The following CSMD1 variants were observed in gnomAD, a reference collection of about 807,000 sequenced individuals.
CSMD1 encodes the protein CUB and Sushi multiple domains 1, also known as CUB and sushi domain-containing protein 1.
Under a neutral mutation model 417.5 loss-of-function variants are expected in CSMD1, and 213 were observed. The observed-to-expected ratio is 0.51, with a 90% CI of 0.46 to 0.57. The LOEUF (loss-of-function observed/expected upper bound fraction) is 0.57, where lower values mean the gene tolerates loss of function less well. Ranked by LOEUF, CSMD1 falls within the 20% of genes least tolerant of loss-of-function variation. The probability of loss-of-function intolerance (pLI) is 0.00; values close to 1 mark genes in which losing one functional copy is unlikely to be tolerated. For synonymous variants in CSMD1, 2,862 were observed against 1,736.8 expected (o/e 1.65, Z -16.11); for missense variants, 6,923 against 4,529.7 (o/e 1.53, Z -15.17).
rs1801618618 is a variant in CSMD1 at position 2,938,108 on chromosome 8, A to G, written c.*477T>C. 6.5e-6 allele frequency: 1 copy of G among 152,862 alleles called. No homozygotes were observed. Among genetic ancestry groups the G allele is most frequent in the Admixed American group, 6.5e-5 (1 of 15,294 alleles). The allele number at this position is 152,862 out of a possible 1,614,324, so 9.5% of individuals were successfully genotyped here. A position where few individuals can be genotyped will look rare whatever the true frequency, so the allele number is the denominator to read the frequency against. On this transcript the variant is annotated 3_prime_UTR_variant, in exon 70 of 70. Transcript: ENST00000635120. ...TATCAGAAAGGTGTCTTCTTCCAGA[A>G]AGCTTTTTATTTTTTTCAGAGTATT...
chr8:4,142,086 A>T lies in CSMD1; in HGVS notation c.416-109987T>A, dbSNP rs966770840. 1.1e-4 allele frequency among the ~76,000 whole-genome samples: 17 copies of T among 150,204 alleles called. 3 individuals carry two copies. The highest frequency in any genetic ancestry group is 4.2e-4 in the African/African-American group (17 of 40,398). ...TGAAAAAAAAATAACTCCATACTGG[A>T]ACATTCCCTAATGTTTGAAGCAACA... On this transcript the variant is annotated intron_variant, in intron 3 of 69. Coordinates refer to ENST00000635120, the MANE Select transcript of CSMD1 (RefSeq NM_033225.6).
intron 1 of CSMD1, among the ~76,000 whole-genome samples, chr8:4,824,878 C>T (rs1186926510): frequency 6.6e-6 from 1 of 152,026 alleles, no homozygotes; most frequent in African/African-American, 2.4e-5. Flanking sequence ...TGTAATAGAA[C>T]GTGGCCACAG....
At chr8:3,419,061 C>G (rs868695513) in intron 12 of CSMD1, among the ~76,000 whole-genome samples, 84 of 152,330 alleles carry the variant, frequency 5.5e-4, no homozygotes, top group African/African-American at 2.0e-3. Context: ...TCTGCTGTGT[C>G]TGTTGCCATT....
chr8:3,914,660 T>A (rs556157348), intron 5 of CSMD1, among the ~76,000 whole-genome samples: 1 of 152,176 alleles, frequency 6.6e-6, no homozygotes, highest in African/African-American at 2.4e-5. Flanking sequence ...TAGTCCACGT[T>A]AGTATGCATT....
intron 2 of CSMD1, among the ~76,000 whole-genome samples, chr8:4,538,030 G>C (rs570851093): frequency 6.6e-6 from 1 of 152,202 alleles, no homozygotes; most frequent in East Asian, 1.9e-4. Flanking sequence ...ACATAACTGA[G>C]TATAAATATA....
intron 2 of CSMD1, among the ~76,000 whole-genome samples, chr8:4,597,833 C>T (rs745883921): frequency 2.6e-5 from 4 of 152,216 alleles, no homozygotes; most frequent in Non-Finnish European, 5.9e-5. Context: ...GCCTGCTTGT[C>T]CCCCAAACTC....
rs147901503 is a variant in CSMD1 at position 3,068,567 on chromosome 8, T to C, written c.7475-15920A>G. On this transcript the variant is annotated intron_variant, in intron 49 of 69. Transcript: ENST00000635120. ...TTTATAAAGACATTTAGTTGGCTCA[T>C]GTTTCTGCAGGCTGTACGGGAAACA... Among the ~76,000 whole-genome samples, 221 of 152,356 alleles carry C rather than the reference T, an allele frequency of 1.5e-3. 1 individual carries two copies. Among genetic ancestry groups the C allele is most frequent in the African/African-American group, 5.1e-3 (213 of 41,588 alleles).
intron 3 of CSMD1, among the ~76,000 whole-genome samples, chr8:4,154,469 A>C (rs1035764681): frequency 2.6e-5 from 4 of 152,082 alleles, no homozygotes; most frequent in African/African-American, 9.7e-5. Context: ...GTATCTGTGG[A>C]AGGAGAATGG....
chr8:4,764,543 T>C (rs907982350), intron 1 of CSMD1, among the ~76,000 whole-genome samples: 5 of 152,126 alleles, frequency 3.3e-5, no homozygotes. Context: ...TCTGCCCAAA[T>C]TGGAAACCAG....
At chr8:4,147,023 A>G (rs1804178650) in intron 3 of CSMD1, among the ~76,000 whole-genome samples, 1 of 152,108 alleles carries the variant, frequency 6.6e-6, no homozygotes, top group South Asian at 2.1e-4. Context: ...CAGGAGAGTC[A>G]GAGATCGGGG....
At position 4,711,155 on chromosome 8, in the gene CSMD1, TCA is replaced by T. The variant is rs1428150043; in HGVS notation, c.86-73599_86-73598del. Among the ~76,000 whole-genome samples the T allele has an allele frequency of 8.2e-5, 12 of 145,886 alleles. No individual in the cohort carries two copies. In the East Asian group the frequency reaches 2.4e-3, roughly 29 times the overall value. On this transcript the variant is annotated intron_variant, in intron 1 of 69. Coordinates refer to ENST00000635120, the MANE Select transcript of CSMD1 (RefSeq NM_033225.6). ...ATGGATGAAATTCTCAACAATTTTC[TCA>T]CAAAAAAAAAAAACCATGATCCTTT...
At chr8:4,251,846 G>A (rs1047271920) in intron 3 of CSMD1, among the ~76,000 whole-genome samples, 3 of 149,652 alleles carry the variant, frequency 2.0e-5, no homozygotes, top group Admixed American at 1.3e-4. Flanking sequence ...GAGAGATGCA[G>A]GAGGAGAGAT....
At chr8:4,134,063 T>C (rs970428712) in intron 3 of CSMD1, among the ~76,000 whole-genome samples, 1 of 152,210 alleles carries the variant, frequency 6.6e-6, no homozygotes. Context: ...TAATAAAGAT[T>C]AATTGCTATT....
intron 19 of CSMD1, among the ~76,000 whole-genome samples, chr8:3,367,737 A>G (rs1809690929): frequency 6.6e-6 from 1 of 152,206 alleles, no homozygotes; most frequent in Non-Finnish European, 1.5e-5. Context: ...TATTGAGGAA[A>G]TATGGAGATT....
chr8:3,501,916 G>C (rs776772051), intron 10 of CSMD1, among the ~76,000 whole-genome samples: 36 of 152,080 alleles, frequency 2.4e-4, no homozygotes, highest in Non-Finnish European at 4.0e-4. Context: ...ATAGATACTG[G>C]ATAAATATAC....
chr8:3,324,279 C>T (rs1357218505), intron 23 of CSMD1, among the ~76,000 whole-genome samples: 7 of 139,608 alleles, frequency 5.0e-5, no homozygotes, highest in African/African-American at 1.6e-4. Context: ...TTAAAATAGG[C>T]CACACCTAAC....
intron 3 of CSMD1, among the ~76,000 whole-genome samples, chr8:4,313,238 G>C (rs1018886180): frequency 1.3e-5 from 2 of 152,180 alleles, no homozygotes; most frequent in African/African-American, 2.4e-5. Context: ...AAAAAACCTA[G>C]TTGGCTAAAT....
chr8:4,555,620 G>A (rs1279189006), intron 2 of CSMD1, among the ~76,000 whole-genome samples: 1 of 152,102 alleles, frequency 6.6e-6, no homozygotes, highest in Non-Finnish European at 1.5e-5. Context: ...TCTATGGAGT[G>A]TTTTAATTCT....
intron 1 of CSMD1, among the ~76,000 whole-genome samples, chr8:4,983,568 G>C (rs1811011264): frequency 1.3e-5 from 2 of 152,114 alleles, no homozygotes; most frequent in Admixed American, 6.5e-5. Context: ...TGTCGCCCAG[G>C]CTGGAAGGCA....
Sources: allele counts gnomAD v4.1 joint callset (sites outside exome capture counted in the v4.1 genomes callset), GRCh38; gene constraint gnomAD v4.1.1; transcripts MANE v1.5; gene names NCBI Gene and HGNC (gene_info 2026-07-23, HGNC 2026-07-21).